DLGAP2: variants seen among roughly 807,000 people sequenced by gnomAD.
The protein encoded by DLGAP2 is DLG associated protein 2, also known as disks large-associated protein 2.
A neutral mutation model predicts 100.3 loss-of-function variants in DLGAP2; 26 were observed. That is an observed-to-expected ratio of 0.26 (90% confidence interval 0.19 to 0.36). The LOEUF is 0.36. Among genes scored for constraint, DLGAP2 ranks in the 10% least tolerant of loss-of-function variants. The pLI is 1.00. For missense variants in DLGAP2, 1,858 were observed against 1,453.2 expected, an observed-to-expected ratio of 1.28 and a Z score of -4.53; for synonymous variants, 886 against 630.1, an observed-to-expected ratio of 1.41 and a Z score of -6.08.
intron 2 of DLGAP2, among the ~76,000 whole-genome samples, chr8:1,058,790 C>A (rs373266497): frequency 6.6e-6 from 1 of 152,100 alleles, no homozygotes; most frequent in Non-Finnish European, 1.5e-5. Flanking sequence ...TGAGGCCCAC[C>A]CCAGATTATT....
intron 2 of DLGAP2, among the ~76,000 whole-genome samples, chr8:1,197,730 C>T (rs183209634): frequency 5.9e-5 from 9 of 152,020 alleles, no homozygotes; most frequent in Admixed American, 4.6e-4. Context: ...ACCAGCTGTC[C>T]ATATAAACCT....
chr8:1,550,846 TA>T (rs891781357), intron 5 of DLGAP2, among the ~76,000 whole-genome samples: 1 of 152,026 alleles, frequency 6.6e-6, no homozygotes, highest in Non-Finnish European at 1.5e-5. Context: ...ATAGCGCTGT[TA>T]AAAAAAACAT....
At chr8:1,672,980 C>T (rs572285831) in intron 10 of DLGAP2, among the ~76,000 whole-genome samples, 1 of 152,354 alleles carries the variant, frequency 6.6e-6, no homozygotes, top group South Asian at 2.1e-4. Context: ...TTCATTTTCT[C>T]AGCAGCCCTA....
chr8:1,663,200 G>A (rs372284965), intron 8 of DLGAP2, among the ~76,000 whole-genome samples: 1 of 148,788 alleles, frequency 6.7e-6, no homozygotes, highest in Non-Finnish European at 1.5e-5. Flanking sequence ...GTATGACTGT[G>A]TGTGTGTACA....
chr8:957,315 A>G (rs1212177324), intron 2 of DLGAP2, among the ~76,000 whole-genome samples: 1 of 152,212 alleles, frequency 6.6e-6, no homozygotes, highest in Non-Finnish European at 1.5e-5. Flanking sequence ...GAGCCAGGGA[A>G]ACCCAAGGGT....
Position 977,719 on chromosome 8 carries a change from T to C in DLGAP2, c.73+69753T>C. ...GAGAGTTCATAGAATTTTAGTAATG[T>C]GGGGAGGGCGTCGGGGATGCAGTGA... On this transcript the variant is annotated intron_variant, in intron 2 of 14. Coordinates refer to ENST00000637795, the MANE Select transcript of DLGAP2 (RefSeq NM_001346810.2). Among the ~76,000 whole-genome samples the C allele has an allele frequency of 1.6e-5, 2 of 123,480 alleles. 1 individual carries two copies. The highest frequency in any genetic ancestry group is 3.7e-5 in the Non-Finnish European group (2 of 53,848). The allele number at this position is 123,480 out of a possible 152,430, so 81.0% of individuals were successfully genotyped here.
chr8:1,417,892 C>T (rs756772523), intron 3 of DLGAP2, among the ~76,000 whole-genome samples: 10 of 152,200 alleles, frequency 6.6e-5, no homozygotes. Context: ...AGTGCAGTTC[C>T]AGGAGCCTTT....
At chr8:1,591,943 G>C (rs1022425680) in intron 6 of DLGAP2, among the ~76,000 whole-genome samples, 4 of 152,322 alleles carry the variant, frequency 2.6e-5, no homozygotes, top group Middle Eastern at 3.4e-3. Flanking sequence ...GGAGCGGAGG[G>C]AGGAGGTGGC....
intron 1 of DLGAP2, among the ~76,000 whole-genome samples, chr8:850,131 G>T (rs377486748): frequency 2.0e-5 from 3 of 151,648 alleles, no homozygotes; most frequent in Admixed American, 2.0e-4. Flanking sequence ...CTGTATTCTG[G>T]GTCTGAGTCC....
intron 2 of DLGAP2, among the ~76,000 whole-genome samples, chr8:1,225,851 A>C (rs911569066): frequency 2.0e-5 from 3 of 152,232 alleles, no homozygotes; most frequent in Non-Finnish European, 4.4e-5. Flanking sequence ...TTTTCAGTTC[A>C]CACCACAAAA....
rs375553514 is a variant in DLGAP2 at position 1,417,692 on chromosome 8, G to A, written c.107-83674G>A. ...CCGCGAGGCTCCAGGGGGGCACAGG[G>A]GGCCCCACTCCTGCCTCACTCGGCG... On this transcript the variant is annotated intron_variant, in intron 3 of 14. Coordinates refer to ENST00000637795, the MANE Select transcript of DLGAP2 (RefSeq NM_001346810.2). Among the ~76,000 whole-genome samples the A allele has an allele frequency of 1.9e-3, 130 of 69,658 alleles. 4 individuals are homozygous for A. The highest frequency in any genetic ancestry group is 5.4e-3 in the African/African-American group (126 of 23,126). The allele number at this position is 69,658 out of a possible 152,430, so 45.7% of individuals were successfully genotyped here.
At chr8:918,664 G>T (rs186518054) in intron 2 of DLGAP2, among the ~76,000 whole-genome samples, 152 of 152,290 alleles carry the variant, frequency 1.0e-3, no homozygotes, top group Non-Finnish European at 2.0e-3. Context: ...TTGTTTCTGG[G>T]AAGACAATTG....
chr8:786,253 TC>T (rs1032862719), intron 1 of DLGAP2, among the ~76,000 whole-genome samples: 75 of 152,018 alleles, frequency 4.9e-4, no homozygotes, highest in African/African-American at 1.8e-3. Flanking sequence ...GTGGGGCGCC[TC>T]CGAAAGCCTG....
chr8:1,110,317 TGTGAGGTGTGCAC>T (rs1315486659), intron 2 of DLGAP2, among the ~76,000 whole-genome samples: 36 of 147,606 alleles, frequency 2.4e-4, no homozygotes, highest in Non-Finnish European at 4.1e-4. Flanking sequence ...GTGCTGGGTC[TGTGAGGTGTGCAC>T]GGGTCTGTGA....
chr8:1,468,179 C>G (rs1798677658), intron 3 of DLGAP2, among the ~76,000 whole-genome samples: 1 of 152,192 alleles, frequency 6.6e-6, no homozygotes, highest in South Asian at 2.1e-4. Flanking sequence ...CTGAGAACCT[C>G]CCCAGTTCAC....
chr8:1,374,542 G>C (rs1490458498), intron 3 of DLGAP2, among the ~76,000 whole-genome samples: 1 of 152,154 alleles, frequency 6.6e-6, no homozygotes, highest in South Asian at 2.1e-4. Context: ...CATTCAGGTG[G>C]ATTTGTTCAG....
At chr8:956,975 C>A (rs1563113407) in intron 2 of DLGAP2, among the ~76,000 whole-genome samples, 2 of 152,178 alleles carry the variant, frequency 1.3e-5, no homozygotes, top group African/African-American at 2.4e-5. Context: ...AGCTATCTTA[C>A]TAGATTGCTC....
intron 3 of DLGAP2, among the ~76,000 whole-genome samples, chr8:1,291,889 C>T (rs1025144387): frequency 6.6e-6 from 1 of 152,146 alleles, no homozygotes; most frequent in African/African-American, 2.4e-5. Context: ...CCAGTCTTGC[C>T]CTTGACTAAC....
intron 3 of DLGAP2, among the ~76,000 whole-genome samples, chr8:1,330,044 G>A (rs1173006221): frequency 2.0e-5 from 3 of 152,228 alleles, no homozygotes; most frequent in African/African-American, 7.2e-5. Flanking sequence ...AAGTGGCTTT[G>A]CTCCATTTCC....
Sources: allele counts gnomAD v4.1 joint callset (sites outside exome capture counted in the v4.1 genomes callset), GRCh38; gene constraint gnomAD v4.1.1; transcripts MANE v1.5; gene names NCBI Gene and HGNC (gene_info 2026-07-23, HGNC 2026-07-21).